The following CHRM3 variants were observed in gnomAD, a reference collection of about 807,000 sequenced individuals.
CHRM3 encodes the protein muscarinic acetylcholine receptor M3.
Under a neutral mutation model 41.8 loss-of-function variants are expected in CHRM3, and 11 were observed. That is an observed-to-expected ratio of 0.26 (90% CI 0.17 to 0.44). CHRM3 has a LOEUF of 0.44. CHRM3 is among the 20% of genes least tolerant of loss of function. The pLI, the probability that CHRM3 is intolerant of heterozygous loss-of-function variation, is 1.00. For synonymous variants in CHRM3, 297 were observed against 301.4 expected (o/e 0.99, Z 0.15); for missense variants, 571 against 745.4 (o/e 0.77, Z 2.72).
chr1:239,759,796 G>A (rs1019577222), intron 5 of CHRM3, among the ~76,000 whole-genome samples: 2 of 152,162 alleles, frequency 1.3e-5, no homozygotes. Context: ...ATTTAATTAA[G>A]GAGTAAGGTC....
At chr1:239,716,158 G>A (rs1662338597) in intron 5 of CHRM3, among the ~76,000 whole-genome samples, 1 of 152,106 alleles carries the variant, frequency 6.6e-6, no homozygotes. Context: ...TGATGTCTAG[G>A]TTAAAGAGAG....
chr1:239,556,525 T>C (rs1316305888), intron 3 of CHRM3, among the ~76,000 whole-genome samples: 2 of 152,156 alleles, frequency 1.3e-5, no homozygotes, highest in Admixed American at 1.3e-4. Flanking sequence ...AAAGTGAAAA[T>C]TGTTGACAAG....
intron 3 of CHRM3, among the ~76,000 whole-genome samples, chr1:239,607,155 A>G (rs886111354): frequency 2.0e-5 from 3 of 152,188 alleles, no homozygotes; most frequent in African/African-American, 7.2e-5. Flanking sequence ...ATACAAGTTC[A>G]TCTGTTGTGG....
intron 4 of CHRM3, among the ~76,000 whole-genome samples, chr1:239,657,961 GA>G (rs1046815067): frequency 4.0e-5 from 6 of 150,440 alleles, no homozygotes; most frequent in Non-Finnish European, 8.9e-5. Context: ...TAGGATTTCT[GA>G]AAAAAAAAGT....
intron 4 of CHRM3, among the ~76,000 whole-genome samples, chr1:239,648,432 T>C (rs1671932912): frequency 6.6e-6 from 1 of 152,076 alleles, no homozygotes; most frequent in Admixed American, 6.5e-5. Flanking sequence ...TGTTGATCTG[T>C]AGGTGGTTTT....
Position 239,841,347 on chromosome 1 carries a change from G to A in CHRM3, c.-20+13969G>A, listed in dbSNP as rs186582656. 1.2e-3 allele frequency among the ~76,000 whole-genome samples: 183 copies of A among 152,220 alleles called. 2 individuals carry two copies. Among genetic ancestry groups the A allele is most frequent in the Admixed American group, 2.7e-3 (41 of 15,290 alleles). On this transcript the variant is annotated intron_variant, in intron 6 of 6. Coordinates refer to ENST00000676153, the MANE Select transcript of CHRM3 (RefSeq NM_001375978.1). ...TGAATTTAAAAGGGATGTGGGATTT[G>A]GTGGGGCATGTTGAATTTTGGTAAA... is the stretch of plus-strand genomic sequence containing the variant.
At chr1:239,713,058 CG>C (rs1246370988) in intron 5 of CHRM3, among the ~76,000 whole-genome samples, 2 of 152,144 alleles carry the variant, frequency 1.3e-5, no homozygotes, top group African/African-American at 2.4e-5. Flanking sequence ...AAACACTGCC[CG>C]CTAAGCCCGG....
At chr1:239,404,707 A>G (rs6663570) in intron 1 of CHRM3, among the ~76,000 whole-genome samples, 74,562 of 128,568 alleles carry the variant, frequency 0.58, 21,116 homozygotes, top group African/African-American at 0.66. Flanking sequence ...TAAATGTATC[A>G]TGCTATATCT....
intron 3 of CHRM3, among the ~76,000 whole-genome samples, chr1:239,611,897 GA>G: frequency 6.6e-6 from 1 of 152,128 alleles, no homozygotes; most frequent in Non-Finnish European, 1.5e-5. Flanking sequence ...AAAATGAAGT[GA>G]ATAACACAAT....
At chr1:239,881,214 C>T (rs1259528098) in intron 6 of CHRM3, among the ~76,000 whole-genome samples, 2 of 128,400 alleles carry the variant, frequency 1.6e-5, no homozygotes, top group Non-Finnish European at 1.6e-5. Context: ...ACCCGGGAGG[C>T]GGAGCTTGCA....
chr1:239,754,435 C>T (rs1381707186), intron 5 of CHRM3, among the ~76,000 whole-genome samples: 1 of 152,142 alleles, frequency 6.6e-6, no homozygotes, highest in Non-Finnish European at 1.5e-5. Context: ...AAGGCAGTAC[C>T]ATCCTTCCAG....
At chr1:239,777,599 T>A (rs1024005501) in intron 5 of CHRM3, among the ~76,000 whole-genome samples, 1 of 152,110 alleles carries the variant, frequency 6.6e-6, no homozygotes, top group South Asian at 2.1e-4. Context: ...TTTAAGGAAT[T>A]TGAGGTGGGG....
rs769926252 is a variant in CHRM3 at position 239,907,508 on chromosome 1, C to T, written c.57C>T (p.Ser19=). 7.9e-5 allele frequency: 127 copies of T among 1,614,216 alleles called. 1 individual carries two copies. The highest frequency in any genetic ancestry group is 1.1e-4 in the Non-Finnish European group (126 of 1,180,038). The change falls in exon 7 of 7, where the codon TCC becomes TCT. Residue 19 remains serine (S), a synonymous_variant. Coordinates refer to ENST00000676153, the MANE Select transcript of CHRM3 (RefSeq NM_001375978.1). This position sits in a 1 kb window ranked among gnomAD's most constrained non-coding sequence, Gnocchi z 5.4. ...TSPLFPNISS[S]WIHSPSDAGL... ...CTTTGTTTCCAAACATCAGCTCCTCCTGGATACACAGCCCCTCCGATGCAG... is the reference window on the plus strand; with the variant it reads ...CTTTGTTTCCAAACATCAGCTCCTCTTGGATACACAGCCCCTCCGATGCAG...
chr1:239,771,180 C>A (rs1197190585), intron 5 of CHRM3, among the ~76,000 whole-genome samples: 3 of 151,988 alleles, frequency 2.0e-5, no homozygotes, highest in African/African-American at 7.3e-5. Flanking sequence ...GAATAAGTTA[C>A]CCAAACTTTT....
chr1:239,858,705 C>T (rs1444294164), intron 6 of CHRM3, among the ~76,000 whole-genome samples: 2 of 152,154 alleles, frequency 1.3e-5, no homozygotes, highest in South Asian at 2.1e-4. Context: ...TCTAGTTTCA[C>T]AGCATTCTCA....
At chr1:239,864,539 CACACACGCACACACACACACAT>C (rs1254798378) in intron 6 of CHRM3, among the ~76,000 whole-genome samples, 1 of 141,744 alleles carries the variant, frequency 7.1e-6, no homozygotes, top group African/African-American at 3.1e-5. Context: ...CACACACACA[CACACACGCACACACACACACAT>C]ATACATATAT....
intron 5 of CHRM3, chr1:239,704,518 G>C (rs1163111629): frequency 6.6e-6 from 1 of 152,110 alleles, no homozygotes; most frequent in Non-Finnish European, 1.5e-5. Context: ...ACAGAAGAAG[G>C]AACACAGGTC....
intron 4 of CHRM3, among the ~76,000 whole-genome samples, chr1:239,655,666 C>A (rs1166229611): frequency 6.6e-6 from 1 of 152,162 alleles, no homozygotes; most frequent in African/African-American, 2.4e-5. Context: ...TACTGTCCAT[C>A]TGACTTTTCA....
At chr1:239,579,687 CA>C (rs963398221) in intron 3 of CHRM3, among the ~76,000 whole-genome samples, 41 of 152,238 alleles carry the variant, frequency 2.7e-4, no homozygotes, top group African/African-American at 9.6e-4. Flanking sequence ...TTGTGCACCT[CA>C]ATGTATTTTG....
Sources: gnomAD v4.1 joint callset for allele counts (sites outside exome capture counted in the v4.1 genomes callset) on GRCh38, gnomAD v4.1.1 for gene constraint, Gnocchi (gnomAD v3.1) non-coding constraint, MANE v1.5 for transcripts, NCBI Gene and HGNC (gene_info 2026-07-23, HGNC 2026-07-21) for gene names.